Variants in TACC1 observed in about 807,000 individuals in gnomAD.
TACC1 encodes the protein transforming acidic coiled-coil-containing protein 1.
Under a neutral mutation model 84.4 loss-of-function variants are expected in TACC1, and 48 were observed. The ratio of observed to expected loss-of-function variants is 0.57; its 90% CI spans 0.45 to 0.72. The LOEUF (loss-of-function observed/expected upper bound fraction) is 0.72, where lower values mean the gene tolerates loss of function less well. TACC1 is among the 30% of genes least tolerant of loss of function. The pLI is 0.00. For missense variants in TACC1, 920 were observed against 973.0 expected (o/e 0.95, Z 0.72); for synonymous variants, 372 against 376.3 (o/e 0.99, Z 0.13).
Position 38,828,861 on chromosome 8 carries a change from C to A in TACC1, c.1660+1486C>A, listed in dbSNP as rs1312202103. Among the ~76,000 whole-genome samples, 4 of 152,154 alleles carry A rather than the reference C, an allele frequency of 2.6e-5. 1 individual carries two copies. The highest frequency in any genetic ancestry group is 7.2e-5 in the African/African-American group (3 of 41,430). Reference sequence around the variant, plus strand: ...AAGCAGTCTGGTTCCATGGTCTTTTCGCCACAATGCCAAAGTATGAAGAGA... The same window carrying A: ...AAGCAGTCTGGTTCCATGGTCTTTTAGCCACAATGCCAAAGTATGAAGAGA... On this transcript the variant is annotated intron_variant, in intron 5 of 12. Coordinates refer to ENST00000317827, the MANE Select transcript of TACC1 (RefSeq NM_006283.3).
upstream of TACC1, among the ~76,000 whole-genome samples, chr8:38,783,074 C>CTATA (rs1816361820): frequency 7.6e-5 from 6 of 78,588 alleles, no homozygotes; most frequent in African/African-American, 3.3e-4. Flanking sequence ...AAATATCTAT[C>CTATA]TATCTATCTA....
In TACC1 at chr8:38,848,990, G is replaced by A. The variant is rs975593069; in HGVS notation, c.*967G>A. 4 of 147,720 alleles carry A rather than the reference G, an allele frequency of 2.7e-5. No individual in the cohort carries two copies. The highest frequency in any genetic ancestry group is 1.0e-4 in the African/African-American group (4 of 40,012). 9.2% of individuals were successfully genotyped at this position (147,720 alleles called of 1,614,324 possible). A position where few individuals can be genotyped will look rare whatever the true frequency, so the allele number is the denominator to read the frequency against. On this transcript the variant is annotated 3_prime_UTR_variant, in exon 13 of 13. Transcript: ENST00000317827. Reference sequence around the variant, plus strand: ...TTTTTTTTTTTTGAGACAGAGTTTCGATCTATTTTAAGTATGTGAAGAAAA... The same window carrying A: ...TTTTTTTTTTTTGAGACAGAGTTTCAATCTATTTTAAGTATGTGAAGAAAA...
intron 2 of TACC1, among the ~76,000 whole-genome samples, chr8:38,796,606 A>G (rs2152046699): frequency 6.6e-6 from 1 of 152,390 alleles, no homozygotes; most frequent in African/African-American, 2.4e-5. Flanking sequence ...ATAGTCAAGC[A>G]AAAATCATCA....
chr8:38,744,013 G>C (rs146628047), intron 2 of TACC1: 3 of 152,350 alleles, frequency 2.0e-5, no homozygotes, highest in East Asian at 1.9e-4. Context: ...AATTATGGCT[G>C]CTTGACGACT....
chr8:38,821,844 C>T (rs1826882545), intron 3 of TACC1, among the ~76,000 whole-genome samples: 1 of 152,096 alleles, frequency 6.6e-6, no homozygotes, highest in Admixed American at 6.6e-5. Flanking sequence ...TTACTCAAAC[C>T]TAGGTGGTGA....
intron 2 of TACC1, among the ~76,000 whole-genome samples, chr8:38,815,709 G>A (rs1244919727): frequency 5.3e-5 from 8 of 152,090 alleles, no homozygotes; most frequent in African/African-American, 9.7e-5. Flanking sequence ...GTGAGTCACC[G>A]TGCCCGGCAA....
At chr8:38,839,565 C>T (rs1488233288) in intron 8 of TACC1, 1 of 306,786 alleles carries the variant, frequency 3.3e-6, no homozygotes, top group Non-Finnish European at 6.0e-6. Flanking sequence ...GAGCGGTAGC[C>T]ATCCATAATA....
chr8:38,819,527 C>T lies in TACC1; in HGVS notation c.283C>T (p.Gln95Ter). Residue 95 changes from glutamine to a stop codon, truncating the protein, a stop_gained, in exon 3 of 13, where the codon CAA (glutamine) becomes TAA (stop). Transcript: ENST00000317827. LOFTEE classifies it high-confidence loss of function. ...GTTTTTGTGTTTCATTTTAGAATCA[C>T]AAGAAGCTGATGAACAGCTTGTAGC... ...AGPGAKSQES[Q>*]EADEQLVAEV... 1 of 1,600,566 alleles carries T rather than the reference C, an allele frequency of 6.2e-7. No individual in the cohort carries two copies. The highest frequency in any genetic ancestry group is 1.3e-5 in the African/African-American group (1 of 74,386).
intron 3 of TACC1, among the ~76,000 whole-genome samples, chr8:38,762,552 C>A: frequency 6.8e-6 from 1 of 147,522 alleles, no homozygotes; most frequent in East Asian, 2.0e-4. Flanking sequence ...CACCTTTTGG[C>A]TTTTTTTTTT....
chr8:38,762,096 A>C (rs1250973939), intron 3 of TACC1, among the ~76,000 whole-genome samples: 1 of 152,220 alleles, frequency 6.6e-6, no homozygotes, highest in Non-Finnish European at 1.5e-5. Flanking sequence ...CCCTCTCTGC[A>C]AAGCATTAAA....
At chr8:38,739,435 C>T (rs1806639606) in intron 1 of TACC1, among the ~76,000 whole-genome samples, 1 of 152,226 alleles carries the variant, frequency 6.6e-6, no homozygotes, top group Non-Finnish European at 1.5e-5. Flanking sequence ...CTTTATCAAC[C>T]AGATGTCAGT....
chr8:38,729,135 G>A (rs1473594117), intron 1 of TACC1, among the ~76,000 whole-genome samples: 2 of 152,090 alleles, frequency 1.3e-5, no homozygotes, highest in African/African-American at 2.4e-5. Flanking sequence ...TTCTCACCAC[G>A]GTGAACGGGG....
intron 3 of TACC1, among the ~76,000 whole-genome samples, chr8:38,747,558 GA>G (rs1808299874): frequency 6.6e-6 from 1 of 152,190 alleles, no homozygotes; most frequent in African/African-American, 2.4e-5. Flanking sequence ...AGACATGGAG[GA>G]ATGTTAAATG....
At chr8:38,785,025 G>T (rs1816847552), upstream of TACC1, among the ~76,000 whole-genome samples, 1 of 151,916 alleles carries the variant, frequency 6.6e-6, no homozygotes, top group African/African-American at 2.4e-5. Context: ...TGGATGTTCG[G>T]GGTATAGAAA....
At chr8:38,827,688 G>A (rs752206821) in intron 5 of TACC1, 5 of 319,314 alleles carry the variant, frequency 1.6e-5, no homozygotes, top group Admixed American at 4.7e-5. Flanking sequence ...GTTCATTTGC[G>A]TTGCTGTAAA....
At chr8:38,802,793 C>T (rs371360805) in intron 2 of TACC1, among the ~76,000 whole-genome samples, 5 of 152,126 alleles carry the variant, frequency 3.3e-5, no homozygotes, top group African/African-American at 9.6e-5. Context: ...GAAAAGGAGG[C>T]GCTGGGCTCT....
intron 3 of TACC1, chr8:38,757,145 G>C: frequency 1.5e-6 from 1 of 672,518 alleles, no homozygotes; most frequent in Middle Eastern, 6.8e-4. Context: ...CCGCGGAGAA[G>C]TTGGCGGCAT....
intron 2 of TACC1, among the ~76,000 whole-genome samples, chr8:38,744,632 A>G (rs1037429700): frequency 6.6e-6 from 1 of 152,132 alleles, no homozygotes; most frequent in African/African-American, 2.4e-5. Context: ...GAGATGACAG[A>G]CTTATTCCAA....
Position 38,745,038 on chromosome 8 carries a change from C to T in TACC1, c.-430C>T, listed in dbSNP as rs555312043. On this transcript the variant is annotated 5_prime_UTR_variant, in exon 3 of 15. Coordinates refer to the TACC1 transcript ENST00000518415. ...GCCAAATAAGCAAGTCCTTCAGCCC[C>T]AGGCTTCTAGCACGGGGCTGCATGT... The T allele has an allele frequency of 7.3e-4, 113 of 154,982 alleles. 4 individuals carry two copies. In the South Asian group the frequency reaches 0.022, roughly 30 times the overall value. 9.6% of individuals were successfully genotyped at this position (154,982 alleles called of 1,614,324 possible). A position where few individuals can be genotyped will look rare whatever the true frequency, so the allele number is the denominator to read the frequency against.
Sources: gnomAD v4.1 joint callset for allele counts (sites outside exome capture counted in the v4.1 genomes callset) on GRCh38, gnomAD v4.1.1 for gene constraint, MANE v1.5 for transcripts, NCBI Gene and HGNC (gene_info 2026-07-23, HGNC 2026-07-21) for gene names.